KDM4C: variants seen among roughly 807,000 people sequenced by gnomAD.
KDM4C encodes lysine-specific demethylase 4C.
Under a neutral mutation model 129.3 loss-of-function variants are expected in KDM4C, and 81 were observed. That is an observed-to-expected ratio of 0.63 (90% CI 0.52 to 0.75). The LOEUF is 0.75. Ranked by LOEUF, KDM4C falls within the 30% of genes least tolerant of loss-of-function variation. The probability of loss-of-function intolerance (pLI) is 0.00; values close to 1 mark genes in which losing one functional copy is unlikely to be tolerated. For missense variants in KDM4C, 1,457 were observed against 1,304.0 expected (o/e 1.12, Z -1.81); for synonymous variants, 573 against 456.1 (o/e 1.26, Z -3.26).
Position 6,757,989 on chromosome 9 carries a change from G to A in KDM4C, c.-232G>A, listed in dbSNP as rs1818563891. Reference sequence around the variant, plus strand: ...CGCGCAGGGAGAGCCGGCGGTGCGCGCGCCTTCGCCGCTGCCTCCCACCCA... The same window carrying A: ...CGCGCAGGGAGAGCCGGCGGTGCGCACGCCTTCGCCGCTGCCTCCCACCCA... On this transcript the variant is annotated 5_prime_UTR_variant, in exon 1 of 22. Transcript: ENST00000381309. 1 of 985,378 alleles carries A rather than the reference G, an allele frequency of 1.0e-6. No homozygotes were observed. The highest frequency in any genetic ancestry group is 1.2e-6 in the Non-Finnish European group (1 of 829,902). The allele number at this position is 985,378 out of a possible 1,614,324, so 61.0% of individuals were successfully genotyped here.
intron 20 of KDM4C, among the ~76,000 whole-genome samples, chr9:7,168,410 G>C (rs16925516): frequency 0.034 from 5,115 of 152,134 alleles, 140 homozygotes; most frequent in East Asian, 0.15. Flanking sequence ...GATTACATCC[G>C]TTTTGTTTCC....
chr9:6,987,235 C>G (rs1397047380), intron 11 of KDM4C, among the ~76,000 whole-genome samples: 5 of 152,136 alleles, frequency 3.3e-5, no homozygotes, highest in Admixed American at 1.3e-4. Flanking sequence ...CCTCATGGAC[C>G]CTGAATCTCA....
intron 15 of KDM4C, among the ~76,000 whole-genome samples, chr9:7,037,472 A>G (rs761074266): frequency 1.3e-5 from 2 of 152,186 alleles, no homozygotes; most frequent in Non-Finnish European, 2.9e-5. Context: ...ATGTTGTGTC[A>G]GCATTTTGAT....
chr9:6,790,296 A>G lies in KDM4C; in HGVS notation c.-17-2676A>G, dbSNP rs967305205. On this transcript the variant is annotated intron_variant, in intron 1 of 21. Transcript: ENST00000381309. ...TGTTTTTGTTTTTGAGATGGAGTGC[A>G]GTGGCGTGATCTGGGCTCACTCACT... Among the ~76,000 whole-genome samples, 8 of 150,854 alleles carry G rather than the reference A, an allele frequency of 5.3e-5. No individual in the cohort carries two copies. The East Asian group carries it at 1.6e-3, about 30-fold the overall frequency.
Position 6,818,199 on chromosome 9 carries a change from T to G in KDM4C, c.435+3454T>G, listed in dbSNP as rs114377301. 3.7e-3 allele frequency among the ~76,000 whole-genome samples: 568 copies of G among 152,372 alleles called. 2 individuals are homozygous for G. The highest frequency in any genetic ancestry group is 0.013 in the African/African-American group (548 of 41,586). On this transcript the variant is annotated intron_variant, in intron 4 of 21. Coordinates refer to ENST00000381309, the MANE Select transcript of KDM4C (RefSeq NM_015061.6). Reference sequence around the variant, plus strand: ...GAGAAGGTTTTTACAGTTTTTTGACTTTTGAAACATTTCCAATATTGCTTT... The same window carrying G: ...GAGAAGGTTTTTACAGTTTTTTGACGTTTGAAACATTTCCAATATTGCTTT...
intron 12 of KDM4C, among the ~76,000 whole-genome samples, chr9:6,999,722 A>G (rs1369731587): frequency 6.6e-6 from 1 of 151,086 alleles, no homozygotes; most frequent in Non-Finnish European, 1.5e-5. Flanking sequence ...TACTGGGTAC[A>G]TGACTGTCTG....
intron 17 of KDM4C, among the ~76,000 whole-genome samples, chr9:7,071,661 A>C (rs1833212644): frequency 6.6e-6 from 1 of 152,202 alleles, no homozygotes; most frequent in Non-Finnish European, 1.5e-5. Flanking sequence ...AGAAACTATA[A>C]AACTTATAGA....
rs138984179 is a variant in KDM4C at position 7,128,031 on chromosome 9, C to T, written c.2611-35C>T. 3.7e-4 allele frequency: 502 copies of T among 1,371,200 alleles called. 2 individuals are homozygous for T. The African/African-American group carries it at 6.4e-3, about 18-fold the overall frequency. 84.9% of individuals were successfully genotyped at this position (1,371,200 alleles called of 1,614,324 possible). On this transcript the variant is annotated intron_variant, in intron 18 of 21. Coordinates refer to ENST00000381309, the MANE Select transcript of KDM4C (RefSeq NM_015061.6). ...CGTCCTTTCTTTTCCTGTTCTCTTA[C>T]TTCTTTTCTTCCTTTTTTGTGTCCC...
chr9:6,855,523 T>C (rs372948950), intron 5 of KDM4C, among the ~76,000 whole-genome samples: 4 of 151,550 alleles, frequency 2.6e-5, no homozygotes, highest in Non-Finnish European at 5.9e-5. Context: ...TTCCCAGTGT[T>C]TGTAGTTGGG....
chr9:7,092,017 C>A (rs1341484869), intron 17 of KDM4C, among the ~76,000 whole-genome samples: 3 of 152,150 alleles, frequency 2.0e-5, no homozygotes. Context: ...CTGGGGTGAT[C>A]TGATTTTTTT....
intron 8 of KDM4C, among the ~76,000 whole-genome samples, chr9:6,963,340 T>G (rs1002269127): frequency 5.3e-5 from 8 of 152,236 alleles, no homozygotes; most frequent in African/African-American, 1.9e-4. Context: ...GCAGTAAATA[T>G]TTATTGACCA....
chr9:6,758,020 T>A lies in KDM4C; in HGVS notation c.-201T>A, dbSNP rs1818580934. 3.0e-6 allele frequency: 3 copies of A among 985,154 alleles called. No individual in the cohort carries two copies. In the Admixed American group the frequency reaches 1.8e-4, roughly 61 times the overall value. The allele number at this position is 985,154 out of a possible 1,614,324, so 61.0% of individuals were successfully genotyped here. On this transcript the variant is annotated 5_prime_UTR_variant, in exon 1 of 22. Coordinates refer to ENST00000381309, the MANE Select transcript of KDM4C (RefSeq NM_015061.6). The surrounding 1 kb of genome is among the most constrained non-coding windows in gnomAD (Gnocchi z 4.6). Reference sequence around the variant, plus strand: ...TCGCCGCTGCCTCCCACCCACCCCCTCGACGGGAGGGTGAGGCGCGGCGCA... The same window carrying A: ...TCGCCGCTGCCTCCCACCCACCCCCACGACGGGAGGGTGAGGCGCGGCGCA...
intron 8 of KDM4C, among the ~76,000 whole-genome samples, chr9:6,948,409 TGTAGAAAGGCAAATA>T (rs34958151): frequency 0.07 from 10,560 of 151,682 alleles, 1,080 homozygotes; most frequent in African/African-American, 0.23. Context: ...AAAGTGACCT[TGTAGAAAGGCAAATA>T]GTATTGACAT....
At chr9:7,046,129 A>T (rs143661622) in intron 15 of KDM4C, among the ~76,000 whole-genome samples, 1 of 151,988 alleles carries the variant, frequency 6.6e-6, no homozygotes, top group African/African-American at 2.4e-5. Flanking sequence ...CTTTTTCATG[A>T]GAGTGTAGTG....
At position 6,862,516 on chromosome 9, in the gene KDM4C, C is replaced by T. The variant is rs1841120321; in HGVS notation, c.629+12816C>T. ...AGGTAGTTTTCCCTTAAAGGCTAAACTTCAGGCTGGGTGTGGTGGCTCACA... is the reference window on the plus strand; with the variant it reads ...AGGTAGTTTTCCCTTAAAGGCTAAATTTCAGGCTGGGTGTGGTGGCTCACA... On this transcript the variant is annotated intron_variant, in intron 5 of 21. Transcript: ENST00000381309. Among the ~76,000 whole-genome samples the T allele has an allele frequency of 2.6e-5, 4 of 152,086 alleles. No individual in the cohort carries two copies. The South Asian group carries it at 8.3e-4, about 32-fold the overall frequency.
chr9:7,076,409 T>A, intron 17 of KDM4C: 1 of 1,515,332 alleles, frequency 6.6e-7, no homozygotes, highest in Non-Finnish European at 9.0e-7. Flanking sequence ...TATTGGACTT[T>A]TAAAATTTGC....
intron 15 of KDM4C, among the ~76,000 whole-genome samples, chr9:7,024,143 C>T (rs149653756): frequency 1.3e-5 from 2 of 152,082 alleles, no homozygotes; most frequent in South Asian, 2.1e-4. Context: ...TCTGTTAGGT[C>T]GATTTGGTCT....
intron 12 of KDM4C, among the ~76,000 whole-genome samples, chr9:6,991,856 G>A (rs749918240): frequency 1.3e-5 from 2 of 152,094 alleles, no homozygotes; most frequent in Non-Finnish European, 1.5e-5. Context: ...GGCAACTTGG[G>A]GAGACCCTGT....
chr9:6,808,159 T>G (rs62568054), intron 3 of KDM4C, among the ~76,000 whole-genome samples: 1 of 40,516 alleles, frequency 2.5e-5, no homozygotes, highest in Non-Finnish European at 4.5e-5. Flanking sequence ...AGTGAGGAGC[T>G]CCTCTGCCCG....
Sources: allele counts gnomAD v4.1 joint callset (sites outside exome capture counted in the v4.1 genomes callset), GRCh38; gene constraint gnomAD v4.1.1; non-coding constraint Gnocchi (gnomAD v3.1); transcripts MANE v1.5; gene names NCBI Gene and HGNC (gene_info 2026-07-23, HGNC 2026-07-21).